ZFX: variants seen among roughly 807,000 people sequenced by gnomAD.
ZFX encodes zinc finger protein X-linked.
For synonymous variants in ZFX, 196 were observed against 226.8 expected, an observed-to-expected ratio of 0.86 and a Z score of 1.22; for missense variants, 362 against 628.3, an observed-to-expected ratio of 0.58 and a Z score of 4.53.
chrX:24,209,108 C>T, intron 9 of ZFX, 68 bp downstream of exon 9: 2 of 1,201,049 alleles, frequency 1.7e-6, no homozygotes, highest in African/African-American at 1.7e-5. Flanking sequence ...TAGTATGTAT[C>T]CACAGGGGTG....
chrX:24,188,352 T>G (rs1294414113), intron 5 of ZFX, among the ~76,000 whole-genome samples: 1 of 110,733 alleles, frequency 9.0e-6, no homozygotes, highest in Non-Finnish European at 1.9e-5. Flanking sequence ...ATTTTTTTCA[T>G]AAGTATTTCA....
At position 24,179,252 on chromosome X, in the gene ZFX, ATGT is replaced by A; in HGVS notation, c.132_134del (p.Val45del). The A allele has an allele frequency of 2.0e-5, 24 of 1,211,772 alleles. No individual in the cohort carries two copies. Among genetic ancestry groups the A allele is most frequent in the Non-Finnish European group, 2.5e-5 (22 of 895,538 alleles). On this transcript the variant is annotated inframe_deletion, in exon 5 of 10. Coordinates refer to ENST00000304543, the MANE Select transcript of ZFX (RefSeq NM_003410.4). ...GTACAAGAAACTGTTTTTGTTTCAG[ATGT>A]TGTGGATTCAGACATAACTGTGCAT...
At position 24,212,811 on chromosome X, in the gene ZFX, G is replaced by A. The variant is rs954055577; in HGVS notation, c.*1435G>A. ...TTGGCTTTGATTAAAAGGTAAAGAT[G>A]TGTTTTAAGTGGATAAGGAAAGTCT... On this transcript the variant is annotated 3_prime_UTR_variant, in exon 10 of 10. Coordinates refer to ENST00000304543, the MANE Select transcript of ZFX (RefSeq NM_003410.4). 12 of 112,824 alleles carry A rather than the reference G, an allele frequency of 1.1e-4. No homozygotes were observed. The highest frequency in any genetic ancestry group is 1.9e-4 in the Non-Finnish European group (10 of 53,303). 9.3% of individuals were successfully genotyped at this position (112,824 alleles called of 1,213,427 possible).
chrX:24,181,112 A>G (rs1408206031), intron 5 of ZFX, among the ~76,000 whole-genome samples: 2 of 112,669 alleles, frequency 1.8e-5, no homozygotes, highest in East Asian at 2.7e-4. Context: ...GGAATTTAAT[A>G]TAACATTAAT....
At chrX:24,181,371 A>G (rs1935675640) in intron 5 of ZFX, among the ~76,000 whole-genome samples, 1 of 111,741 alleles carries the variant, frequency 8.9e-6, no homozygotes, top group African/African-American at 3.2e-5. Context: ...GTGGGAGAGA[A>G]AGTTTGTAGT....
chrX:24,174,890 T>C (rs951612142), intron 4 of ZFX, among the ~76,000 whole-genome samples: 14 of 110,008 alleles, frequency 1.3e-4, no homozygotes, highest in Admixed American at 1.3e-3. Context: ...ATTTTATTTT[T>C]TGTGGAGACG....
chrX:24,200,280 A>T (rs1937208795), intron 5 of ZFX, among the ~76,000 whole-genome samples: 2 of 111,951 alleles, frequency 1.8e-5, no homozygotes, highest in Middle Eastern at 9.2e-3. Context: ...AAAGTAGCAG[A>T]AATGGCTCAC....
chrX:24,209,679 G>A (rs772516334), intron 9 of ZFX, among the ~76,000 whole-genome samples: 1 of 111,115 alleles, frequency 9.0e-6, no homozygotes, highest in East Asian at 2.8e-4. Context: ...GGGTACAGGT[G>A]GTTCTCCTGC....
intron 5 of ZFX, among the ~76,000 whole-genome samples, chrX:24,199,644 A>G (rs1403464500): frequency 9.0e-6 from 1 of 111,340 alleles, no homozygotes; most frequent in Non-Finnish European, 1.9e-5. Flanking sequence ...TTAGCCGGGC[A>G]CGGTGGCTCA....
intron 3 of ZFX, among the ~76,000 whole-genome samples, chrX:24,156,800 G>A (rs1268824316): frequency 9.1e-6 from 1 of 109,664 alleles, no homozygotes; most frequent in Non-Finnish European, 1.9e-5. Flanking sequence ...GACTACAGGC[G>A]CCCGCAACCA....
chrX:24,160,298 CTTTT>C (rs397966885), intron 3 of ZFX, among the ~76,000 whole-genome samples: 1 of 84,154 alleles, frequency 1.2e-5, no homozygotes. Flanking sequence ...AATTGAAATG[CTTTT>C]TTTTTTTTTT....
At chrX:24,169,593 TAAAA>T (rs63276860) in intron 3 of ZFX, among the ~76,000 whole-genome samples, 2 of 87,050 alleles carry the variant, frequency 2.3e-5, no homozygotes, top group Non-Finnish European at 4.4e-5. Context: ...AACTAGGAAT[TAAAA>T]AAAAAAAAAA....
At chrX:24,188,177 CA>C (rs765149805) in intron 5 of ZFX, among the ~76,000 whole-genome samples, 1,023 of 91,418 alleles carry the variant, frequency 0.011, 9 homozygotes, top group Admixed American at 0.03. Context: ...GAGACTGTCT[CA>C]AAAAAAAAAA....
intron 5 of ZFX, among the ~76,000 whole-genome samples, chrX:24,206,957 G>A (rs946855423): frequency 9.0e-6 from 1 of 110,761 alleles, no homozygotes; most frequent in Non-Finnish European, 1.9e-5. Context: ...AACTTTTGCC[G>A]GGCGCAGTGG....
At chrX:24,179,803 G>GT (rs1424095573) in intron 5 of ZFX, 33 bp downstream of exon 5, 1 of 1,131,417 alleles carries the variant, frequency 8.8e-7, no homozygotes. Context: ...TGTCAAAGGT[G>GT]TTTTTGTAGG....
chrX:24,173,008 G>A (rs745425631), intron 4 of ZFX: 2 of 310,216 alleles, frequency 6.4e-6, no homozygotes, highest in Non-Finnish European at 1.1e-5. Context: ...GTCAGTAACA[G>A]CAGCAATATC....
At chrX:24,176,111 C>T (rs1357551453) in intron 4 of ZFX, among the ~76,000 whole-genome samples, 22 of 104,332 alleles carry the variant, frequency 2.1e-4, no homozygotes, top group African/African-American at 7.1e-4. Flanking sequence ...GCGATCTTTG[C>T]TCACCACAAC....
At chrX:24,163,094 C>T (rs1182077387) in intron 3 of ZFX, among the ~76,000 whole-genome samples, 4 of 108,451 alleles carry the variant, frequency 3.7e-5, no homozygotes, top group Admixed American at 2.0e-4. Context: ...CAAAAGTAGG[C>T]GTTCAGTTTC....
chrX:24,171,897 AGAGAGAAG>A (rs1203323665), intron 3 of ZFX, among the ~76,000 whole-genome samples: 6 of 62,777 alleles, frequency 9.6e-5, no homozygotes, highest in Admixed American at 3.6e-4. Context: ...ACCAGGACAG[AGAGAGAAG>A]GAGAGAGAGA....
Sources: allele counts gnomAD v4.1 joint callset (sites outside exome capture counted in the v4.1 genomes callset), GRCh38; gene constraint gnomAD v4.1.1; transcripts MANE v1.5; gene names NCBI Gene and HGNC (gene_info 2026-07-23, HGNC 2026-07-21).